The following DUS2 variants were observed in gnomAD, a reference collection of about 807,000 sequenced individuals.
The protein encoded by DUS2 is tRNA-dihydrouridine(20) synthase [NAD(P)+]-like.
In DUS2, 52 loss-of-function variants were observed where a neutral mutation model predicts 71.3. The ratio of observed to expected loss-of-function variants is 0.73; its 90% CI spans 0.58 to 0.92. The LOEUF is 0.92. DUS2 is among the 40% of genes least tolerant of loss of function. DUS2 has a pLI of 0.00. For missense variants in DUS2, 558 were observed against 622.6 expected, an observed-to-expected ratio of 0.90 and a Z score of 1.10; for synonymous variants, 204 against 227.8, an observed-to-expected ratio of 0.90 and a Z score of 0.94.
chr16:68,064,644 C>A (rs1041989066), intron 8 of DUS2, among the ~76,000 whole-genome samples: 3 of 152,142 alleles, frequency 2.0e-5, no homozygotes, highest in Admixed American at 6.5e-5. Flanking sequence ...TCAGTCCCGC[C>A]CTTAAAATGT....
At chr16:68,027,515 T>G (rs2151407013) in intron 2 of DUS2, among the ~76,000 whole-genome samples, 1 of 152,362 alleles carries the variant, frequency 6.6e-6, no homozygotes, top group Middle Eastern at 3.4e-3. Context: ...AGTGCTGGGA[T>G]TACAGGCGTG....
intron 10 of DUS2, 136 bp downstream of exon 10, chr16:68,066,772 ATATCT>A (rs1346716066): frequency 1.0e-5 from 9 of 859,238 alleles, no homozygotes; most frequent in Non-Finnish European, 1.7e-5. Context: ...TAGCTCTTTG[ATATCT>A]TATGAGTCTG....
intron 3 of DUS2, among the ~76,000 whole-genome samples, chr16:68,038,773 G>A (rs1008497422): frequency 6.6e-6 from 1 of 151,308 alleles, no homozygotes; most frequent in Admixed American, 6.6e-5. Flanking sequence ...AAAGAGGCTG[G>A]GCGTGGTAGC....
rs1171900440 is a variant in DUS2, at chr16:68,078,224, G to A, written c.1171-221G>A. ...CATGTGCAGCTAAGGGCTCTGCTGCGCTTTGCTTAGGTCTGTGACAGCTCC... is the reference window on the plus strand; with the variant it reads ...CATGTGCAGCTAAGGGCTCTGCTGCACTTTGCTTAGGTCTGTGACAGCTCC... On this transcript the variant is annotated intron_variant, in intron 15 of 16. Coordinates refer to ENST00000565263, the MANE Select transcript of DUS2 (RefSeq NM_017803.5). The A allele has an allele frequency of 1.9e-5, 11 of 580,578 alleles. No homozygotes were observed. The East Asian group carries it at 2.0e-4, about 11-fold the overall frequency. 36.0% of individuals were successfully genotyped at this position (580,578 alleles called of 1,614,324 possible). A position where few individuals can be genotyped will look rare whatever the true frequency, so the allele number is the denominator to read the frequency against.
At chr16:68,027,453 G>A (rs899572276) in intron 2 of DUS2, among the ~76,000 whole-genome samples, 2 of 152,112 alleles carry the variant, frequency 1.3e-5, no homozygotes, top group Admixed American at 6.6e-5. Context: ...GGTCAGGCTG[G>A]TCTGGTCTCA....
At chr16:68,046,907 C>T (rs1041177279) in intron 3 of DUS2, among the ~76,000 whole-genome samples, 4 of 151,774 alleles carry the variant, frequency 2.6e-5, no homozygotes, top group South Asian at 2.1e-4. Context: ...CCACCACACC[C>T]GGCTAATTTT....
intron 2 of DUS2, among the ~76,000 whole-genome samples, chr16:68,035,067 T>C (rs1003632805): frequency 4.0e-5 from 4 of 100,576 alleles, no homozygotes; most frequent in Non-Finnish European, 7.8e-5. Flanking sequence ...CTGATTTTCT[T>C]TTTTCCTCCT....
chr16:68,045,559 C>T (rs561408604), intron 3 of DUS2, among the ~76,000 whole-genome samples: 171 of 150,742 alleles, frequency 1.1e-3, no homozygotes, highest in Non-Finnish European at 1.8e-3. Flanking sequence ...TGCAGTGAGC[C>T]GAGATCACGC....
At chr16:68,062,839 A>G (rs932209271) in intron 8 of DUS2, among the ~76,000 whole-genome samples, 1 of 152,026 alleles carries the variant, frequency 6.6e-6, no homozygotes, top group Non-Finnish European at 1.5e-5. Flanking sequence ...TCTCAGGTTC[A>G]AGGTGCCTGG....
rs761295652 is a variant in DUS2, at chr16:68,079,226, T to C, written c.*240T>C. The C allele has an allele frequency of 1.6e-4, 68 of 420,070 alleles. No individual in the cohort carries two copies. Among genetic ancestry groups the C allele is most frequent in the Middle Eastern group, 6.1e-4 (1 of 1,636 alleles). 26.0% of individuals were successfully genotyped at this position (420,070 alleles called of 1,614,324 possible). A position where few individuals can be genotyped will look rare whatever the true frequency, so the allele number is the denominator to read the frequency against. On this transcript the variant is annotated 3_prime_UTR_variant, in exon 17 of 17. Coordinates refer to ENST00000565263, the MANE Select transcript of DUS2 (RefSeq NM_017803.5). ...TCTTTGAAAACAGGAGCTTTTCAGG[T>C]GGTAACTCCCCAACCTGACATTGGT...
At chr16:68,065,679 G>C (rs761671557) in intron 8 of DUS2, among the ~76,000 whole-genome samples, 14 of 152,056 alleles carry the variant, frequency 9.2e-5, no homozygotes, top group Non-Finnish European at 1.9e-4. Context: ...GGGTCTTGCT[G>C]TGTTGCCCAG....
chr16:68,061,261 G>A, intron 8 of DUS2, 148 bp downstream of exon 8: 1 of 803,692 alleles, frequency 1.2e-6, no homozygotes, highest in African/African-American at 1.7e-5. Flanking sequence ...AAATTTTCCA[G>A]TGATTTTGAC....
chr16:68,074,623 C>T lies in DUS2; in HGVS notation c.932+468C>T, dbSNP rs1213253317. ...CAAGCTGGCCTAGCCACTGCCCCCA[C>T]AGCTCCCTGTCTACCTGTCTGCTTC... On this transcript the variant is annotated intron_variant, in intron 13 of 16. Coordinates refer to ENST00000565263, the MANE Select transcript of DUS2 (RefSeq NM_017803.5). 2.6e-5 allele frequency among the ~76,000 whole-genome samples: 4 copies of T among 152,358 alleles called. No individual in the cohort carries two copies. In the East Asian group the frequency reaches 7.7e-4, roughly 29 times the overall value.
intron 4 of DUS2, among the ~76,000 whole-genome samples, chr16:68,053,360 A>G (rs138493849): frequency 6.6e-6 from 1 of 152,366 alleles, no homozygotes; most frequent in East Asian, 1.9e-4. Context: ...AAAATGAACA[A>G]CCATCACCCA....
chr16:68,055,925 G>T (rs993958431), intron 6 of DUS2, among the ~76,000 whole-genome samples: 1 of 151,686 alleles, frequency 6.6e-6, no homozygotes, highest in Non-Finnish European at 1.5e-5. Context: ...GAATTGTTTG[G>T]ATTAAACCAT....
At chr16:68,057,559 CCT>C (rs1368428709) in intron 7 of DUS2, among the ~76,000 whole-genome samples, 1 of 151,484 alleles carries the variant, frequency 6.6e-6, no homozygotes, top group East Asian at 1.9e-4. Flanking sequence ...AGAGTGAAAC[CCT>C]GTCTCTATAA....
intron 7 of DUS2, among the ~76,000 whole-genome samples, chr16:68,060,063 A>C (rs907534049): frequency 5.9e-5 from 9 of 152,152 alleles, no homozygotes; most frequent in Admixed American, 5.9e-4. Flanking sequence ...AGTTGTGTGC[A>C]CCTTAGTAGC....
chr16:68,029,850 C>T (rs2033412014), intron 2 of DUS2, among the ~76,000 whole-genome samples: 1 of 151,148 alleles, frequency 6.6e-6, no homozygotes, highest in African/African-American at 2.4e-5. Context: ...CGCCTGTAAT[C>T]CCAACACTTT....
At position 68,071,099 on chromosome 16, in the gene DUS2, C is replaced by A; in HGVS notation, c.801C>A (p.Tyr267Ter). The change falls in exon 12 of 17, where the codon TAC (tyrosine) becomes TAA (stop). Residue 267 changes from tyrosine (Y) to a stop codon, truncating the protein, a stop_gained. Transcript: ENST00000565263. LOFTEE classifies it high-confidence loss of function. The stretch of plus-strand genomic sequence containing the variant: ...CCCTGGAGGAGGTCATGCAGAAATA[C>A]ATCAGATACGTACGTCTCTGTACTT... ...LRPLEEVMQK[Y>*]IRYAVQYDNH... The A allele has an allele frequency of 6.2e-7, 1 of 1,614,238 alleles. No homozygotes were observed. The highest frequency in any genetic ancestry group is 2.2e-5 in the East Asian group (1 of 44,896).
Sources: allele counts gnomAD v4.1 joint callset (sites outside exome capture counted in the v4.1 genomes callset), GRCh38; gene constraint gnomAD v4.1.1; transcripts MANE v1.5; gene names NCBI Gene and HGNC (gene_info 2026-07-23, HGNC 2026-07-21).